Variants in DSCAML1 observed in about 807,000 individuals in gnomAD.
DSCAML1 encodes cell adhesion molecule DSCAML1.
Under a neutral mutation model 200.5 loss-of-function variants are expected in DSCAML1, and 38 were observed. The ratio of observed to expected loss-of-function variants is 0.19; its 90% CI spans 0.15 to 0.25. The LOEUF (loss-of-function observed/expected upper bound fraction) is 0.25, where lower values mean the gene tolerates loss of function less well. Among genes scored for constraint, DSCAML1 ranks in the 10% least tolerant of loss-of-function variants. The probability of loss-of-function intolerance (pLI) is 1.00; values close to 1 mark genes in which losing one functional copy is unlikely to be tolerated. For missense variants in DSCAML1, 2,223 were observed against 2,858.8 expected, an observed-to-expected ratio of 0.78 and a Z score of 5.07; for synonymous variants, 1,215 against 1,165.0, an observed-to-expected ratio of 1.04 and a Z score of -0.87.
chr11:117,738,133 A>G (rs1203325204), intron 3 of DSCAML1, among the ~76,000 whole-genome samples: 1 of 152,162 alleles, frequency 6.6e-6, no homozygotes, highest in African/African-American at 2.4e-5. Flanking sequence ...GTGTACATCT[A>G]TATACAGATA....
intron 3 of DSCAML1, among the ~76,000 whole-genome samples, chr11:117,733,796 G>C (rs960294279): frequency 5.3e-5 from 8 of 151,880 alleles, no homozygotes; most frequent in Admixed American, 2.6e-4. Context: ...CTTGTCTTTT[G>C]GGGGACTGTC....
At chr11:117,757,573 TACACACACACACACACACAC>T (rs5795104) in intron 3 of DSCAML1, among the ~76,000 whole-genome samples, 321 of 146,908 alleles carry the variant, frequency 2.2e-3, no homozygotes, top group African/African-American at 6.7e-3. Context: ...TAGGAGCCTA[TACACACACACACACACACAC>T]ACACACACAC....
rs565943340 is a variant in DSCAML1, at chr11:117,539,644, A to G, written c.512-7122T>C. 5.3e-5 allele frequency among the ~76,000 whole-genome samples: 8 copies of G among 151,198 alleles called. No homozygotes were observed. The South Asian group carries it at 1.3e-3, about 24-fold the overall frequency. ...AAAAAAAAAAAAGGAATAAAGGTCT[A>G]ATTAGCAGTGGCAAGAGGTTTGCCA... is the stretch of plus-strand genomic sequence containing the variant. On this transcript the variant is annotated intron_variant, in intron 3 of 32. Coordinates refer to ENST00000651296, the MANE Select transcript of DSCAML1 (RefSeq NM_020693.4).
intron 1 of DSCAML1, among the ~76,000 whole-genome samples, chr11:117,814,456 C>A (rs989189380): frequency 1.3e-5 from 2 of 152,234 alleles, no homozygotes; most frequent in African/African-American, 4.8e-5. Context: ...CAGCTGCCTA[C>A]CCTGACCCCA....
chr11:117,780,845 A>G lies in DSCAML1; in HGVS notation c.47-35T>C. ...AGGCAAGGGGAGAGACTTGGTTAGC[A>G]TGGGCTCTAACAATACCCATATAAG... On this transcript the variant is annotated intron_variant, in intron 1 of 32. Coordinates refer to ENST00000651296, the MANE Select transcript of DSCAML1 (RefSeq NM_020693.4). This position sits in a 1 kb window ranked among gnomAD's most constrained non-coding sequence, Gnocchi z 4.8. The G allele has an allele frequency of 1.4e-6, 2 of 1,394,530 alleles. No individual in the cohort carries two copies. The highest frequency in any genetic ancestry group is 1.9e-6 in the Non-Finnish European group (2 of 1,075,858). The allele number at this position is 1,394,530 out of a possible 1,614,324, so 86.4% of individuals were successfully genotyped here. A position where few individuals can be genotyped will look rare whatever the true frequency, so the allele number is the denominator to read the frequency against.
intron 3 of DSCAML1, among the ~76,000 whole-genome samples, chr11:117,672,914 T>C (rs565838405): frequency 1.3e-5 from 2 of 152,182 alleles, no homozygotes; most frequent in Non-Finnish European, 2.9e-5. Flanking sequence ...AGTAAAACAT[T>C]TGGGTGTGCT....
Position 117,431,580 on chromosome 11 carries a change from C to A in DSCAML1, c.5328G>T (p.Thr1776=). The stretch of plus-strand genomic sequence containing the variant: ...CACTGTAGCTGTCACTCTCAGTGAC[C>A]GTGACACCATGCTGGGAGCCCACGG... The part of the protein sequence containing the change: ...WRTVGSQHGV[T]VTESDSYSAS... Residue 1776 remains threonine, a synonymous_variant, in exon 31 of 33, where the codon ACG becomes ACT. Coordinates refer to ENST00000651296, the MANE Select transcript of DSCAML1 (RefSeq NM_020693.4). The A allele has an allele frequency of 6.2e-7, 1 of 1,608,954 alleles. No individual in the cohort carries two copies. The highest frequency in any genetic ancestry group is 8.5e-7 in the Non-Finnish European group (1 of 1,177,214).
At chr11:117,488,721 G>C (rs940274845) in intron 11 of DSCAML1, among the ~76,000 whole-genome samples, 8 of 152,310 alleles carry the variant, frequency 5.3e-5, no homozygotes, top group Middle Eastern at 3.4e-3. Context: ...TGATGTGCTT[G>C]TTTAACACAC....
rs2137306445 is a variant in DSCAML1 at position 117,516,894 on chromosome 11, T to C, written c.1511-155A>G. On this transcript the variant is annotated intron_variant, in intron 7 of 32. Transcript: ENST00000651296. The surrounding 1 kb of genome is among the most constrained non-coding windows in gnomAD (Gnocchi z 5.7). Reference sequence around the variant, plus strand: ...TTGGTGGGGGCACAGGGATGCCTTTTTACAAAGCTACAGACAGGGGCTGGA... The same window carrying C: ...TTGGTGGGGGCACAGGGATGCCTTTCTACAAAGCTACAGACAGGGGCTGGA... 6.6e-6 allele frequency among the ~76,000 whole-genome samples: 1 copy of C among 152,276 alleles called. No homozygotes were observed. Among genetic ancestry groups the C allele is most frequent in the East Asian group, 1.9e-4 (1 of 5,152 alleles).
chr11:117,502,589 G>A (rs898438878), intron 11 of DSCAML1, among the ~76,000 whole-genome samples: 3 of 152,174 alleles, frequency 2.0e-5, no homozygotes, highest in Non-Finnish European at 2.9e-5. Context: ...TGAGCTGAAC[G>A]CGGGCTTTGG....
intron 1 of DSCAML1, among the ~76,000 whole-genome samples, chr11:117,795,003 T>A (rs1403638000): frequency 6.6e-6 from 1 of 152,136 alleles, no homozygotes; most frequent in African/African-American, 2.4e-5. Flanking sequence ...CCATCTCGAG[T>A]TGGACAAGAT....
intron 4 of DSCAML1, among the ~76,000 whole-genome samples, chr11:117,527,053 CT>C (rs943861823): frequency 3.9e-5 from 6 of 152,010 alleles, no homozygotes; most frequent in Non-Finnish European, 8.8e-5. Context: ...GTCCTGGCTA[CT>C]CAGGAGGCTG....
intron 17 of DSCAML1, among the ~76,000 whole-genome samples, chr11:117,464,247 T>C (rs964358928): frequency 2.2e-4 from 34 of 152,242 alleles, no homozygotes; most frequent in African/African-American, 8.2e-4. Flanking sequence ...TTCTGCTCTT[T>C]AGGGGACAGA....
intron 3 of DSCAML1, among the ~76,000 whole-genome samples, chr11:117,701,437 A>G (rs1490254743): frequency 2.0e-5 from 3 of 152,182 alleles, no homozygotes; most frequent in South Asian, 2.1e-4. Flanking sequence ...CTTATGGTCA[A>G]TTAAAAATCC....
At chr11:117,729,175 C>A (rs1300882667) in intron 3 of DSCAML1, among the ~76,000 whole-genome samples, 1 of 152,170 alleles carries the variant, frequency 6.6e-6, no homozygotes, top group African/African-American at 2.4e-5. Context: ...GGGGAAAGGA[C>A]AATGTTTTCA....
At chr11:117,594,452 A>G (rs1373043813) in intron 3 of DSCAML1, among the ~76,000 whole-genome samples, 1 of 152,240 alleles carries the variant, frequency 6.6e-6, no homozygotes, top group Non-Finnish European at 1.5e-5. Flanking sequence ...AGCTCATCAG[A>G]TCCGCTGATG....
chr11:117,770,914 C>T (rs1400910948), intron 3 of DSCAML1, among the ~76,000 whole-genome samples: 2 of 152,184 alleles, frequency 1.3e-5, no homozygotes, highest in Non-Finnish European at 2.9e-5. Flanking sequence ...TAGTGAAATA[C>T]AAAGGTGCCC....
Position 117,594,969 on chromosome 11 carries a change from C to T in DSCAML1, c.512-62447G>A, listed in dbSNP as rs142914810. On this transcript the variant is annotated intron_variant, in intron 3 of 32. Coordinates refer to ENST00000651296, the MANE Select transcript of DSCAML1 (RefSeq NM_020693.4). Reference sequence around the variant, plus strand: ...GGACTCCTCAATAGTTCACCATTGCCGTTCTCTAACTAACTGTTCTGTTTT... The same window carrying T: ...GGACTCCTCAATAGTTCACCATTGCTGTTCTCTAACTAACTGTTCTGTTTT... 3.3e-5 allele frequency among the ~76,000 whole-genome samples: 5 copies of T among 152,170 alleles called. No homozygotes were observed. The South Asian group carries it at 6.2e-4, about 19-fold the overall frequency.
intron 5 of DSCAML1, among the ~76,000 whole-genome samples, chr11:117,523,884 G>A (rs1341466121): frequency 6.6e-6 from 1 of 152,192 alleles, no homozygotes; most frequent in Non-Finnish European, 1.5e-5. Context: ...GTCTCATGAG[G>A]CATGGCATTT....
Sources: allele counts gnomAD v4.1 joint callset (sites outside exome capture counted in the v4.1 genomes callset), GRCh38; gene constraint gnomAD v4.1.1; non-coding constraint Gnocchi (gnomAD v3.1); transcripts MANE v1.5; gene names NCBI Gene and HGNC (gene_info 2026-07-23, HGNC 2026-07-21).